The following SUCLG2 variants were observed in gnomAD, a reference collection of about 807,000 sequenced individuals.
The protein encoded by SUCLG2 is succinate--CoA ligase [GDP-forming] subunit beta, mitochondrial.
SUCLG2 carries 42 observed loss-of-function variants against 47.9 expected under a neutral mutation model. The ratio of observed to expected loss-of-function variants is 0.88; its 90% CI spans 0.69 to 1.14. The LOEUF is 1.14. SUCLG2 is among the 50% of genes most tolerant of loss of function. The pLI is 0.00. For synonymous variants in SUCLG2, 195 were observed against 197.3 expected (o/e 0.99, Z 0.10); for missense variants, 571 against 525.9 (o/e 1.09, Z -0.84).
chr3:67,394,915 C>A (rs906753052), intron 10 of SUCLG2, among the ~76,000 whole-genome samples: 2 of 151,902 alleles, frequency 1.3e-5, no homozygotes, highest in Admixed American at 6.6e-5. Flanking sequence ...TCATATCCAC[C>A]CAAACTAAAC....
intron 10 of SUCLG2, among the ~76,000 whole-genome samples, chr3:67,362,675 A>G (rs944648461): frequency 1.3e-5 from 2 of 152,144 alleles, no homozygotes; most frequent in Non-Finnish European, 1.5e-5. Context: ...ACAGGCACCA[A>G]TTTTTATTGA....
At chr3:67,409,096 G>GT in intron 9 of SUCLG2, 3 of 741,984 alleles carry the variant, frequency 4.0e-6, no homozygotes, top group Non-Finnish European at 5.6e-6. Flanking sequence ...ATGGGTTTTA[G>GT]TTCTTTACAA....
At chr3:67,634,042 T>C (rs1700968777) in intron 1 of SUCLG2, among the ~76,000 whole-genome samples, 2 of 152,230 alleles carry the variant, frequency 1.3e-5, no homozygotes, top group South Asian at 2.1e-4. Flanking sequence ...TGTGGTTGAA[T>C]ACAGAACAGA....
At chr3:67,450,214 A>G (rs544148085) in intron 9 of SUCLG2, among the ~76,000 whole-genome samples, 1 of 152,032 alleles carries the variant, frequency 6.6e-6, no homozygotes, top group East Asian at 1.9e-4. Context: ...GCTAACTTTT[A>G]AATATTTTTT....
intron 4 of SUCLG2, among the ~76,000 whole-genome samples, chr3:67,523,188 T>G (rs1706164282): frequency 6.6e-6 from 1 of 152,158 alleles, no homozygotes; most frequent in Admixed American, 6.5e-5. Flanking sequence ...CAAAAACACT[T>G]AAGTTTTAGG....
At chr3:67,449,904 C>T (rs1331012203) in intron 9 of SUCLG2, among the ~76,000 whole-genome samples, 1 of 152,152 alleles carries the variant, frequency 6.6e-6, no homozygotes, top group Non-Finnish European at 1.5e-5. Flanking sequence ...TGAGACACTG[C>T]ACTCGGCCAT....
At chr3:67,428,775 A>C (rs1301166338) in intron 9 of SUCLG2, among the ~76,000 whole-genome samples, 1 of 152,238 alleles carries the variant, frequency 6.6e-6, no homozygotes, top group Non-Finnish European at 1.5e-5. Flanking sequence ...TGGAGCTGAA[A>C]ACCATGGCAT....
chr3:67,563,959 CAAA>C (rs756674869), intron 2 of SUCLG2, among the ~76,000 whole-genome samples: 12 of 78,186 alleles, frequency 1.5e-4, no homozygotes, highest in Admixed American at 1.3e-3. Flanking sequence ...GACTCTGTCT[CAAA>C]AAAAAAAAAA....
At chr3:67,488,459 A>G (rs1324463134) in intron 9 of SUCLG2, among the ~76,000 whole-genome samples, 1 of 152,238 alleles carries the variant, frequency 6.6e-6, no homozygotes, top group Non-Finnish European at 1.5e-5. Context: ...CACCTCTGCT[A>G]TACAGGAAAG....
intron 1 of SUCLG2, among the ~76,000 whole-genome samples, chr3:67,643,171 T>C (rs1701132117): frequency 6.6e-6 from 1 of 152,206 alleles, no homozygotes; most frequent in African/African-American, 2.4e-5. Flanking sequence ...GTGTTTGTGT[T>C]TGTTTCTGAA....
At chr3:67,507,798 T>C (rs1161774410) in intron 7 of SUCLG2, among the ~76,000 whole-genome samples, 1 of 152,208 alleles carries the variant, frequency 6.6e-6, no homozygotes, top group Non-Finnish European at 1.5e-5. Flanking sequence ...TTACTGACTG[T>C]AACAAGCTAG....
At chr3:67,423,894 G>A (rs897988782) in intron 9 of SUCLG2, among the ~76,000 whole-genome samples, 1 of 152,086 alleles carries the variant, frequency 6.6e-6, no homozygotes, top group African/African-American at 2.4e-5. Flanking sequence ...TGTTGTTTAG[G>A]TCCTGACCAA....
At chr3:67,564,430 C>T (rs949297755) in intron 2 of SUCLG2, among the ~76,000 whole-genome samples, 5 of 152,212 alleles carry the variant, frequency 3.3e-5, no homozygotes, top group African/African-American at 1.2e-4. Flanking sequence ...AATATGTCAG[C>T]ATGGCAAACT....
At chr3:67,424,281 A>G (rs1053886744) in intron 9 of SUCLG2, among the ~76,000 whole-genome samples, 7 of 152,078 alleles carry the variant, frequency 4.6e-5, no homozygotes, top group East Asian at 1.9e-4. Context: ...AAAAGGGGGG[A>G]ATCTAAAGCC....
chr3:67,476,654 C>T (rs184911902), intron 9 of SUCLG2, among the ~76,000 whole-genome samples: 81 of 152,318 alleles, frequency 5.3e-4, no homozygotes, highest in African/African-American at 1.9e-3. Context: ...AGTAGAAAAA[C>T]TGTCTTCCAT....
intron 9 of SUCLG2, among the ~76,000 whole-genome samples, chr3:67,475,719 C>CCT (rs1559540252): frequency 2.0e-5 from 3 of 146,766 alleles, no homozygotes; most frequent in African/African-American, 5.0e-5. Flanking sequence ...CCTTCCCCTC[C>CCT]TTTTTTTTTT....
intron 2 of SUCLG2, among the ~76,000 whole-genome samples, chr3:67,591,615 A>C (rs763680733): frequency 6.6e-6 from 1 of 152,112 alleles, no homozygotes; most frequent in African/African-American, 2.4e-5. Flanking sequence ...GCCACCATGT[A>C]AGAAGTGCCT....
At chr3:67,643,231 T>C (rs190072435) in intron 1 of SUCLG2, among the ~76,000 whole-genome samples, 71 of 152,302 alleles carry the variant, frequency 4.7e-4, no homozygotes, top group Non-Finnish European at 8.4e-4. Flanking sequence ...TGCAAACATT[T>C]ATTCTGTGAC....
rs183419211 is a variant in SUCLG2 at position 67,530,382 on chromosome 3, T to G, written c.227-1196A>C. 3.2e-3 allele frequency among the ~76,000 whole-genome samples: 488 copies of G among 152,354 alleles called. 2 individuals are homozygous for G. Among genetic ancestry groups the G allele is most frequent in the African/African-American group, 0.011 (464 of 41,584 alleles). On this transcript the variant is annotated intron_variant, in intron 2 of 10. Coordinates refer to ENST00000307227, the MANE Select transcript of SUCLG2 (RefSeq NM_003848.4). Reference sequence around the variant, plus strand: ...TGCCTCGACCAGTTAGTTCATTTATTACCTTTGTATATTGTAAAGAATGAA... The same window carrying G: ...TGCCTCGACCAGTTAGTTCATTTATGACCTTTGTATATTGTAAAGAATGAA...
Sources: allele counts gnomAD v4.1 joint callset (sites outside exome capture counted in the v4.1 genomes callset), GRCh38; gene constraint gnomAD v4.1.1; transcripts MANE v1.5; gene names NCBI Gene and HGNC (gene_info 2026-07-23, HGNC 2026-07-21).